Variants in PKD2L1 observed in about 807,000 individuals in gnomAD.
PKD2L1 encodes polycystin 2 like 1, transient receptor potential cation channel, also known as polycystin-2-like protein 1.
PKD2L1 carries 77 observed loss-of-function variants against 93.0 expected under a neutral mutation model. The observed-to-expected ratio is 0.83, with a 90% CI of 0.69 to 1.00. PKD2L1 has a LOEUF of 1.00. Among genes scored for constraint, PKD2L1 ranks in the 50% least tolerant of loss-of-function variants. PKD2L1 has a pLI of 0.00. For missense variants in PKD2L1, 977 were observed against 990.9 expected (o/e 0.99, Z 0.19); for synonymous variants, 390 against 388.0 (o/e 1.01, Z -0.06).
intron 5 of PKD2L1, 52 bp from the exon 6 acceptor site, chr10:100,297,260 C>T (rs749851588): frequency 1.3e-6 from 2 of 1,562,148 alleles, no homozygotes; most frequent in South Asian, 1.1e-5. Flanking sequence ...TGGGACGGCT[C>T]CTCCCACTTC....
At position 100,295,048 on chromosome 10, in the gene PKD2L1, G is replaced by A; in HGVS notation, c.1432C>T (p.Leu478=). The change falls in exon 8 of 16, where the codon CTG becomes TTG. Residue 478 remains leucine (L), a synonymous_variant. Coordinates refer to ENST00000318222, the MANE Select transcript of PKD2L1 (RefSeq NM_016112.3). ...STLARCAKDI[L]GFAVMFFIVF... Reference sequence around the variant, plus strand: ...ATGAAGAACATGACGGCGAAGCCCAGGATGTCCTTGGCACAGCGGGCCAGC... The same window carrying A: ...ATGAAGAACATGACGGCGAAGCCCAAGATGTCCTTGGCACAGCGGGCCAGC... The A allele has an allele frequency of 6.2e-7, 1 of 1,614,176 alleles. No individual in the cohort carries two copies. The highest frequency in any genetic ancestry group is 8.5e-7 in the Non-Finnish European group (1 of 1,179,984).
intron 2 of PKD2L1, among the ~76,000 whole-genome samples, chr10:100,300,018 G>A (rs1589666710): frequency 6.6e-6 from 1 of 152,160 alleles, no homozygotes; most frequent in Non-Finnish European, 1.5e-5. Flanking sequence ...TCCTGAACCA[G>A]CTTAACTTCC....
intron 7 of PKD2L1, 106 bp from the exon 8 acceptor site, chr10:100,295,229 A>G (rs1238367326): frequency 1.7e-5 from 14 of 812,758 alleles, no homozygotes; most frequent in Non-Finnish European, 1.0e-5. Flanking sequence ...AAGCCAGACA[A>G]AGAAAATGAG....
At chr10:100,310,275 A>C (rs1467389716) in intron 2 of PKD2L1, among the ~76,000 whole-genome samples, 2 of 152,174 alleles carry the variant, frequency 1.3e-5, no homozygotes, top group Non-Finnish European at 2.9e-5. Context: ...CTGAGGCTGC[A>C]CCACCATGAG....
At position 100,305,618 on chromosome 10, in the gene PKD2L1, A is replaced by G. The variant is rs189580858; in HGVS notation, c.350-5900T>C. On this transcript the variant is annotated intron_variant, in intron 2 of 15. Transcript: ENST00000318222. ...CAGTCCTTGATTGACCTAGCAAGCA[A>G]GCACAGTTTACCAGGAACCCCTCCC... Among the ~76,000 whole-genome samples, 317 of 152,300 alleles carry G rather than the reference A, an allele frequency of 2.1e-3. 1 individual carries two copies. Among genetic ancestry groups the G allele is most frequent in the African/African-American group, 7.4e-3 (309 of 41,570 alleles).
At chr10:100,307,494 A>G (rs1042964571) in intron 2 of PKD2L1, among the ~76,000 whole-genome samples, 1 of 152,140 alleles carries the variant, frequency 6.6e-6, no homozygotes, top group Admixed American at 6.5e-5. Flanking sequence ...CCTTGTCTCT[A>G]CAAAATATTT....
chr10:100,293,962 C>T (rs771080454), intron 9 of PKD2L1, among the ~76,000 whole-genome samples: 7 of 152,000 alleles, frequency 4.6e-5, no homozygotes, highest in African/African-American at 7.3e-5. Context: ...CAAAAATTAG[C>T]GGGGTGTGGT....
chr10:100,294,182 G>A (rs914883436), intron 9 of PKD2L1, among the ~76,000 whole-genome samples: 2 of 152,128 alleles, frequency 1.3e-5, no homozygotes, highest in Non-Finnish European at 2.9e-5. Flanking sequence ...AGTGGCAGTA[G>A]AAATCAGCAT....
Position 100,298,583 on chromosome 10 carries a change from A to G in PKD2L1, c.710T>C (p.Phe237Ser), listed in dbSNP as rs751937172. 6.2e-7 allele frequency: 1 copy of G among 1,614,124 alleles called. No individual in the cohort carries two copies. The highest frequency in any genetic ancestry group is 8.5e-7 in the Non-Finnish European group (1 of 1,179,994). Reference sequence around the variant, plus strand: ...TCACGCTGTGCCATTGAAGGGCCCAAAGGGGAGTTGTTCTTCTTTGTCTGG... The same window carrying G: ...TCACGCTGTGCCATTGAAGGGCCCAGAGGGGAGTTGTTCTTCTTTGTCTGG... Reference protein sequence around the residue: ...YSPDKEEQLPFGPFNGTAWTY... With the variant: ...YSPDKEEQLPSGPFNGTAWTY... Residue 237 changes from phenylalanine to serine, a missense_variant, in exon 4 of 16, where the codon TTT becomes TCT. Coordinates refer to ENST00000318222, the MANE Select transcript of PKD2L1 (RefSeq NM_016112.3).
intron 7 of PKD2L1, among the ~76,000 whole-genome samples, chr10:100,295,894 G>C (rs1423105421): frequency 2.0e-5 from 3 of 151,712 alleles, no homozygotes; most frequent in Non-Finnish European, 4.4e-5. Context: ...AAATTAGCCA[G>C]GCGTGGTGGT....
chr10:100,313,073 G>A (rs1007158860), intron 2 of PKD2L1, among the ~76,000 whole-genome samples: 1 of 152,160 alleles, frequency 6.6e-6, no homozygotes, highest in African/African-American at 2.4e-5. Context: ...TCTGGCTGAT[G>A]AGGCAGCGGT....
chr10:100,297,066 C>T lies in PKD2L1; in HGVS notation c.1099G>A (p.Val367Met). Residue 367 changes from valine (V) to methionine (M), a missense_variant, in exon 6 of 16, where the codon GTG (valine) becomes ATG (methionine). Coordinates refer to ENST00000318222, the MANE Select transcript of PKD2L1 (RefSeq NM_016112.3). ...VIFCVFIFYY[V>M]VEEILELHIH... Reference sequence around the variant, plus strand: ...TGGAGCTCCAGGATCTCTTCCACCACATAGTAGAAGATGAAGACGCAGAAG... The same window carrying T: ...TGGAGCTCCAGGATCTCTTCCACCATATAGTAGAAGATGAAGACGCAGAAG... 6.8e-6 allele frequency: 11 copies of T among 1,613,892 alleles called. No individual in the cohort carries two copies. The highest frequency in any genetic ancestry group is 9.3e-6 in the Non-Finnish European group (11 of 1,179,764).
intron 2 of PKD2L1, among the ~76,000 whole-genome samples, chr10:100,318,150 A>C (rs1003206622): frequency 6.6e-6 from 1 of 152,006 alleles, no homozygotes; most frequent in African/African-American, 2.4e-5. Context: ...ACCTCTGCCC[A>C]GTCTGGAGGT....
At chr10:100,329,142 G>A in intron 2 of PKD2L1, 69 bp downstream of exon 2, 1 of 1,480,634 alleles carries the variant, frequency 6.8e-7, no homozygotes. Context: ...CCACAGGAAT[G>A]TTTATACATA....
chr10:100,307,448 G>A (rs187535270), intron 2 of PKD2L1, among the ~76,000 whole-genome samples: 18 of 152,220 alleles, frequency 1.2e-4, no homozygotes, highest in Non-Finnish European at 2.5e-4. Context: ...ACTTGAGCCC[G>A]GGAATTCATA....
intron 2 of PKD2L1, among the ~76,000 whole-genome samples, chr10:100,324,589 G>T (rs1849335751): frequency 6.6e-6 from 1 of 152,116 alleles, no homozygotes; most frequent in African/African-American, 2.4e-5. Context: ...ACAGTCTAGA[G>T]GACCAGGTGA....
At chr10:100,288,904 C>G (rs1368163840) in intron 15 of PKD2L1, 68 bp downstream of exon 15, 3 of 976,746 alleles carry the variant, frequency 3.1e-6, no homozygotes, top group Non-Finnish European at 4.6e-6. Flanking sequence ...GGGGATGTGG[C>G]GAGGGGGCCT....
chr10:100,310,778 C>T (rs1222456137), intron 2 of PKD2L1, among the ~76,000 whole-genome samples: 4 of 152,142 alleles, frequency 2.6e-5, no homozygotes, highest in Admixed American at 1.3e-4. Context: ...GGCGCAATCT[C>T]GGCTCACTGC....
chr10:100,301,641 T>C (rs1166874761), intron 2 of PKD2L1, among the ~76,000 whole-genome samples: 1 of 152,212 alleles, frequency 6.6e-6, no homozygotes, highest in Non-Finnish European at 1.5e-5. Context: ...ATCATTCTTA[T>C]CCTGTTCTCA....
Sources: gnomAD v4.1 joint callset for allele counts (sites outside exome capture counted in the v4.1 genomes callset) on GRCh38, gnomAD v4.1.1 for gene constraint, MANE v1.5 for transcripts, NCBI Gene and HGNC (gene_info 2026-07-23, HGNC 2026-07-21) for gene names.